The following TSHZ2 variants were observed in gnomAD, a reference collection of about 807,000 sequenced individuals.
TSHZ2 encodes the protein teashirt homolog 2.
Under a neutral mutation model 74.4 loss-of-function variants are expected in TSHZ2, and 21 were observed. The ratio of observed to expected loss-of-function variants is 0.28; its 90% CI spans 0.20 to 0.41. The LOEUF (loss-of-function observed/expected upper bound fraction) is 0.41. Ranked by LOEUF, TSHZ2 falls within the 10% of genes least tolerant of loss-of-function variation. TSHZ2 has a pLI of 1.00. For missense variants in TSHZ2, 1,244 were observed against 1,293.5 expected, an observed-to-expected ratio of 0.96 and a Z score of 0.59; for synonymous variants, 540 against 515.3, an observed-to-expected ratio of 1.05 and a Z score of -0.65.
chr20:53,331,725 C>T (rs904122865), intron 2 of TSHZ2, among the ~76,000 whole-genome samples: 4 of 109,412 alleles, frequency 3.7e-5, no homozygotes, highest in African/African-American at 1.8e-4. Flanking sequence ...AGATGGCAAA[C>T]TCAGATTAGG....
At chr20:53,337,465 G>A (rs1348575372) in intron 2 of TSHZ2, among the ~76,000 whole-genome samples, 3 of 152,116 alleles carry the variant, frequency 2.0e-5, no homozygotes, top group African/African-American at 7.2e-5. Flanking sequence ...TCATTGGACG[G>A]AACTGTCACA....
chr20:53,346,409 C>G (rs141886904), intron 2 of TSHZ2, among the ~76,000 whole-genome samples: 1 of 152,220 alleles, frequency 6.6e-6, no homozygotes, highest in African/African-American at 2.4e-5. Context: ...ACGCTCTGAA[C>G]TTGCCGGCTG....
chr20:53,058,191 C>G (rs1600669528), intron 1 of TSHZ2, among the ~76,000 whole-genome samples: 3 of 152,260 alleles, frequency 2.0e-5, no homozygotes, highest in Admixed American at 2.0e-4. Context: ...CTCTGGCCCA[C>G]CGCTCACCAC....
chr20:53,100,573 C>T (rs1986188707), intron 1 of TSHZ2, among the ~76,000 whole-genome samples: 1 of 152,060 alleles, frequency 6.6e-6, no homozygotes, highest in Admixed American at 6.6e-5. Flanking sequence ...AGTGAGGGGG[C>T]ATCTGTTTGC....
At chr20:53,075,185 G>A (rs1398352619) in intron 1 of TSHZ2, among the ~76,000 whole-genome samples, 2 of 152,232 alleles carry the variant, frequency 1.3e-5, no homozygotes, top group South Asian at 2.1e-4. Flanking sequence ...GTTATAATGA[G>A]TAAGATTGGA....
rs73268585 is a variant in TSHZ2 at position 53,125,468 on chromosome 20, C to T, written c.41-128031C>T. Among the ~76,000 whole-genome samples, 962 of 152,212 alleles carry T rather than the reference C, an allele frequency of 6.3e-3. 10 individuals are homozygous for T. Among genetic ancestry groups the T allele is most frequent in the African/African-American group, 0.022 (934 of 41,518 alleles). On this transcript the variant is annotated intron_variant, in intron 1 of 2. Transcript: ENST00000371497. Reference sequence around the variant, plus strand: ...TGCCTGTGAAGCTTTTAGAACATTGCCTGGCACATGGCAAGCACTTTCTGG... The same window carrying T: ...TGCCTGTGAAGCTTTTAGAACATTGTCTGGCACATGGCAAGCACTTTCTGG...
chr20:53,252,145 A>T (rs1990346029), intron 1 of TSHZ2, among the ~76,000 whole-genome samples: 1 of 152,252 alleles, frequency 6.6e-6, no homozygotes, highest in South Asian at 2.1e-4. Context: ...TATCTTCAGC[A>T]GCAGCAGCAG....
chr20:53,272,299 C>T (rs1218994148), intron 2 of TSHZ2, among the ~76,000 whole-genome samples: 3 of 152,110 alleles, frequency 2.0e-5, no homozygotes, highest in Admixed American at 6.5e-5. Flanking sequence ...CATGAACCAC[C>T]GTGCCCGGCC....
chr20:53,135,958 T>C lies in TSHZ2; in HGVS notation c.41-117541T>C, dbSNP rs151271267. 4.0e-3 allele frequency among the ~76,000 whole-genome samples: 610 copies of C among 152,342 alleles called. 4 individuals are homozygous for C. The highest frequency in any genetic ancestry group is 0.014 in the African/African-American group (563 of 41,578). On this transcript the variant is annotated intron_variant, in intron 1 of 2. Coordinates refer to ENST00000371497, the MANE Select transcript of TSHZ2 (RefSeq NM_173485.6). ...TTTTAGGTAGTGTATTCGTGTGCTT[T>C]CTGTTGCTTATAACAGAATATCTAA...
At chr20:52,974,988 G>C (rs1468449440) in intron 1 of TSHZ2, among the ~76,000 whole-genome samples, 2 of 152,066 alleles carry the variant, frequency 1.3e-5, no homozygotes, top group South Asian at 2.1e-4. Flanking sequence ...TACTTCTTTG[G>C]AAAACAATGT....
At chr20:53,453,798 G>C (rs1037320111) in intron 2 of TSHZ2, among the ~76,000 whole-genome samples, 2 of 152,178 alleles carry the variant, frequency 1.3e-5, no homozygotes, top group Non-Finnish European at 2.9e-5. Context: ...CAGGGTAGGA[G>C]AGGGATGCCC....
chr20:53,432,109 T>G (rs1358420456), intron 2 of TSHZ2, among the ~76,000 whole-genome samples: 1 of 152,208 alleles, frequency 6.6e-6, no homozygotes, highest in Non-Finnish European at 1.5e-5. Flanking sequence ...ATGTAGTTTT[T>G]TCCTCACTCC....
At chr20:53,469,702 TAGAG>T (rs1187759922) in intron 2 of TSHZ2, among the ~76,000 whole-genome samples, 1 of 32,646 alleles carries the variant, frequency 3.1e-5, no homozygotes, top group African/African-American at 1.4e-4. Flanking sequence ...CCAAGAAAGA[TAGAG>T]AAAGAGAGAG....
intron 1 of TSHZ2, among the ~76,000 whole-genome samples, chr20:53,137,296 CTTTTTTT>C (rs759993398): frequency 1.0e-3 from 141 of 135,264 alleles, no homozygotes; most frequent in African/African-American, 3.2e-3. Flanking sequence ...ATTCGTGTTT[CTTTTTTT>C]TTTTTTTTTC....
rs111689963 is a variant in TSHZ2 at position 53,223,137 on chromosome 20, A to ATT, written c.41-30352_41-30351dup. 3.5e-3 allele frequency among the ~76,000 whole-genome samples: 527 copies of ATT among 148,606 alleles called. 1 individual carries two copies. Among genetic ancestry groups the ATT allele is most frequent in the African/African-American group, 3.8e-3 (155 of 40,584 alleles). ...TCTGTTGAGAAGTGCTGACCTAGAG[A>ATT]TTTTTTTTTTTGGTCAAAAGCATCT... On this transcript the variant is annotated intron_variant, in intron 1 of 2. Transcript: ENST00000371497.
intron 2 of TSHZ2, among the ~76,000 whole-genome samples, chr20:53,422,986 A>G (rs549817710): frequency 1.3e-4 from 20 of 150,962 alleles, no homozygotes; most frequent in Middle Eastern, 3.4e-3. Context: ...CTTAGTCCCC[A>G]TTTTATAGAT....
At chr20:53,197,067 G>C (rs990500516) in intron 1 of TSHZ2, among the ~76,000 whole-genome samples, 1 of 151,980 alleles carries the variant, frequency 6.6e-6, no homozygotes, top group Non-Finnish European at 1.5e-5. Context: ...CCCCATCCTC[G>C]TTTTCATTTT....
At chr20:53,160,745 C>CAAAAAAAAAA (rs10653039) in intron 1 of TSHZ2, among the ~76,000 whole-genome samples, 5 of 95,850 alleles carry the variant, frequency 5.2e-5, no homozygotes, top group Admixed American at 2.2e-4. Flanking sequence ...ACTCTGTCTC[C>CAAAAAAAAAA]AAAAAAAAAA....
chr20:53,052,391 G>A (rs1038550660), intron 1 of TSHZ2, among the ~76,000 whole-genome samples: 1 of 152,148 alleles, frequency 6.6e-6, no homozygotes, highest in African/African-American at 2.4e-5. Context: ...ATAGAAGTAC[G>A]AACCCTATTG....
Sources: gnomAD v4.1 joint callset for allele counts (sites outside exome capture counted in the v4.1 genomes callset) on GRCh38, gnomAD v4.1.1 for gene constraint, MANE v1.5 for transcripts, NCBI Gene and HGNC (gene_info 2026-07-23, HGNC 2026-07-21) for gene names.